Variants in NIN observed in about 807,000 individuals in gnomAD.
NIN encodes ninein, also known as glycogen synthase kinase 3 beta-interacting protein.
Under a neutral mutation model 257.6 loss-of-function variants are expected in NIN, and 137 were observed. The ratio of observed to expected loss-of-function variants is 0.53; its 90% CI spans 0.46 to 0.61. The LOEUF is 0.61. Ranked by LOEUF, NIN falls within the 20% of genes least tolerant of loss-of-function variation. NIN has a pLI of 0.00. For missense variants in NIN, 2,439 were observed against 2,501.2 expected, an observed-to-expected ratio of 0.98 and a Z score of 0.53; for synonymous variants, 918 against 919.8, an observed-to-expected ratio of 1.00 and a Z score of 0.04.
chr14:50,727,795 A>T (rs769243188), intron 29 of NIN: 1 of 1,411,386 alleles, frequency 7.1e-7, no homozygotes. Context: ...TCATGTCAGG[A>T]TGAGTTTTTA....
At chr14:50,735,478 T>C (rs754913380) in intron 28 of NIN, 38 bp downstream of exon 28, 40 of 1,604,410 alleles carry the variant, frequency 2.5e-5, no homozygotes, top group Non-Finnish European at 3.4e-5. Context: ...TGGATTAACA[T>C]ATTCTTCATA....
intron 5 of NIN, among the ~76,000 whole-genome samples, chr14:50,791,807 G>GCACACA (rs373370758): frequency 1.7e-3 from 197 of 116,772 alleles, no homozygotes; most frequent in African/African-American, 6.9e-3. Flanking sequence ...AGGTGCACGC[G>GCACACA]CACACACACA....
intron 2 of NIN, 87 bp from the exon 3 acceptor site, chr14:50,822,164 AC>A (rs1343912427): frequency 9.9e-5 from 89 of 898,296 alleles, no homozygotes; most frequent in Admixed American, 2.4e-4. Context: ...CGTTCTCTGT[AC>A]CCCACCAGTC....
At chr14:50,796,810 C>T (rs2043860177) in intron 4 of NIN, among the ~76,000 whole-genome samples, 1 of 152,088 alleles carries the variant, frequency 6.6e-6, no homozygotes, top group African/African-American at 2.4e-5. Context: ...CTCCAGGTTT[C>T]AAGCAATACA....
Position 50,776,958 on chromosome 14 carries a change from C to T in NIN, c.657G>A (p.Val219=). ...SICEQYGLQN[V]DGEMLEEVFH... ...ATACTGCGAGGCTTACCTCTCCATC[C>T]ACATTCTGTAAACCATACTGCTCAC... The change falls in exon 7 of 31, where the codon GTG becomes GTA. Residue 219 remains valine (V), a synonymous_variant. Transcript: ENST00000530997. The T allele has an allele frequency of 6.2e-7, 1 of 1,611,502 alleles. No individual in the cohort carries two copies.
At chr14:50,771,278 T>G (rs1345305594) in intron 10 of NIN, 54 bp downstream of exon 10, 4 of 1,598,242 alleles carry the variant, frequency 2.5e-6, no homozygotes, top group Non-Finnish European at 3.4e-6. Flanking sequence ...TCCGAATGAC[T>G]TGCTGGACAA....
chr14:50,778,863 A>C (rs772961332), intron 5 of NIN, 59 bp from the exon 6 acceptor site: 21 of 1,551,536 alleles, frequency 1.4e-5, no homozygotes, highest in Non-Finnish European at 1.9e-5. Context: ...GAACTATCCT[A>C]GCTTTTCCTA....
Position 50,758,290 on chromosome 14 carries a change from G to T in NIN, c.2740C>A (p.Gln914Lys), listed in dbSNP as rs778234680. 1.2e-6 allele frequency: 2 copies of T among 1,614,226 alleles called. No individual in the cohort carries two copies. Among genetic ancestry groups the T allele is most frequent in the Admixed American group, 3.3e-5 (2 of 60,024 alleles). The change falls in exon 18 of 31, where the codon CAG becomes AAG. Residue 914 changes from glutamine to lysine, a missense_variant. Physicochemically the swap from Gln to Lys is moderately conservative, Grantham distance 53 (BLOSUM62 1). This residue lies in a region of NIN where 2,043 missense variants were observed against 2,050.2 expected (regional missense o/e 1.00). Transcript: ENST00000530997. ...HLNSMVVERQ[Q>K]LLQDLEDLRN... ...AGGTCTTCCAGGTCTTGGAGTAGCT[G>T]CTGTCTCTCGACGACCATGCTGTTC...
At chr14:50,772,037 A>G in intron 9 of NIN, 1 of 351,696 alleles carries the variant, frequency 2.8e-6, no homozygotes, top group Admixed American at 4.2e-5. Context: ...AACAACAACA[A>G]CAACACTATC....
intron 17 of NIN, among the ~76,000 whole-genome samples, chr14:50,758,845 AC>A (rs1368299967): frequency 2.6e-5 from 4 of 151,870 alleles, no homozygotes; most frequent in African/African-American, 7.3e-5. Context: ...TAAAAGACTT[AC>A]CTCTCTCTGG....
rs2040396811 is a variant in NIN at position 50,726,036 on chromosome 14, C to T, written c.6109G>A (p.Glu2037Lys). 1 of 1,613,650 alleles carries T rather than the reference C, an allele frequency of 6.2e-7. No individual in the cohort carries two copies. Among genetic ancestry groups the T allele is most frequent in the Non-Finnish European group, 8.5e-7 (1 of 1,179,794 alleles). ...GNQEQLVTVMEERMIEVEQKL... is the reference protein window; with the variant it reads ...GNQEQLVTVMKERMIEVEQKL... ...TGTTCAACTTCTATCATTCGTTCCT[C>T]CATGACAGTTACCAGTTGTTCCTGG... The change falls in exon 30 of 31, where the codon GAG (glutamate) becomes AAG (lysine). Residue 2037 changes from glutamate (E) to lysine (K), a missense_variant. Physicochemically the swap from Glu to Lys is moderately conservative, Grantham distance 56. Around this residue, in one of 3 missense-constraint regions of NIN, gnomAD observed 2,043 missense variants for 2,050.2 expected, o/e 1.00. Transcript: ENST00000530997.
intron 27 of NIN, among the ~76,000 whole-genome samples, chr14:50,737,358 G>A (rs1051888178): frequency 3.3e-5 from 5 of 152,062 alleles, no homozygotes; most frequent in South Asian, 2.1e-4. Context: ...CCAGTGAAGC[G>A]TTCGGGTAAC....
intron 28 of NIN, chr14:50,730,807 T>C: frequency 1.4e-6 from 1 of 728,118 alleles, no homozygotes; most frequent in Admixed American, 4.0e-5. Context: ...ACAAAATGAA[T>C]ACTGGCTCTT....
At chr14:50,786,083 C>G (rs1268892883) in intron 5 of NIN, among the ~76,000 whole-genome samples, 1 of 152,166 alleles carries the variant, frequency 6.6e-6, no homozygotes, top group Admixed American at 6.5e-5. Context: ...GCTAAAAAAG[C>G]CTTTGGTACT....
chr14:50,788,434 T>C (rs2043437239), intron 5 of NIN, among the ~76,000 whole-genome samples: 1 of 152,234 alleles, frequency 6.6e-6, no homozygotes, highest in Non-Finnish European at 1.5e-5. Flanking sequence ...AGATGTTTTC[T>C]TGAGTGGGAG....
At chr14:50,744,128 G>A in intron 23 of NIN, 115 bp downstream of exon 23, 1 of 1,116,514 alleles carries the variant, frequency 9.0e-7, no homozygotes, top group East Asian at 2.4e-5. Context: ...GCTGCTCCAG[G>A]ACACTCTGGA....
chr14:50,761,630 A>G (rs1304082059), intron 16 of NIN, among the ~76,000 whole-genome samples, 160 bp downstream of exon 16: 1 of 152,222 alleles, frequency 6.6e-6, no homozygotes, highest in Non-Finnish European at 1.5e-5. Context: ...TCTCCAGAAA[A>G]AAGGGGCCTT....
At position 50,797,614 on chromosome 14, in the gene NIN, T is replaced by C. The variant is rs539939666; in HGVS notation, c.266-4733A>G. Reference sequence around the variant, plus strand: ...CTGCCCCATTCTACATCCCACCTCCTCGCCTATGCTGAATGCACCATCACA... The same window carrying C: ...CTGCCCCATTCTACATCCCACCTCCCCGCCTATGCTGAATGCACCATCACA... On this transcript the variant is annotated intron_variant, in intron 4 of 30. Coordinates refer to ENST00000530997, the MANE Select transcript of NIN (RefSeq NM_020921.4). Among the ~76,000 whole-genome samples, 30 of 152,228 alleles carry C rather than the reference T, an allele frequency of 2.0e-4. 1 individual carries two copies. Among genetic ancestry groups the C allele is most frequent in the African/African-American group, 6.7e-4 (28 of 41,530 alleles).
chr14:50,733,942 G>C (rs947439246), intron 28 of NIN, among the ~76,000 whole-genome samples: 1 of 152,128 alleles, frequency 6.6e-6, no homozygotes, highest in Admixed American at 6.5e-5. Context: ...CTTCACTGGT[G>C]ATTTAATGTT....
Sources: allele counts gnomAD v4.1 joint callset (sites outside exome capture counted in the v4.1 genomes callset), GRCh38; gene constraint gnomAD v4.1.1; regional missense constraint gnomAD v4.1.1; transcripts MANE v1.5; gene names NCBI Gene and HGNC (gene_info 2026-07-23, HGNC 2026-07-21).